ADAM19: variants seen among roughly 807,000 people sequenced by gnomAD.
The protein encoded by ADAM19 is ADAM metallopeptidase domain 19, also known as disintegrin and metalloproteinase domain-containing protein 19.
In ADAM19, 65 loss-of-function variants were observed where a neutral mutation model predicts 114.7. The observed-to-expected ratio is 0.57, with a 90% CI of 0.46 to 0.70. The LOEUF (loss-of-function observed/expected upper bound fraction) is 0.70, where lower values mean the gene tolerates loss of function less well. Ranked by LOEUF, ADAM19 falls within the 30% of genes least tolerant of loss-of-function variation. The pLI, the probability that ADAM19 is intolerant of heterozygous loss-of-function variation, is 0.00. For synonymous variants in ADAM19, 466 were observed against 460.5 expected (o/e 1.01, Z -0.15); for missense variants, 1,063 against 1,204.7 (o/e 0.88, Z 1.74).
At chr5:157,547,145 T>C (rs1221095506) in intron 3 of ADAM19, among the ~76,000 whole-genome samples, 2 of 152,232 alleles carry the variant, frequency 1.3e-5, no homozygotes, top group African/African-American at 4.8e-5. Flanking sequence ...ATCCCCATGA[T>C]GATCCTGCCA....
intron 7 of ADAM19, among the ~76,000 whole-genome samples, chr5:157,513,991 C>G (rs955557991): frequency 6.6e-6 from 1 of 152,204 alleles, no homozygotes; most frequent in Admixed American, 6.5e-5. Flanking sequence ...GTGCTTAGCA[C>G]TATGTAGGAC....
intron 1 of ADAM19, among the ~76,000 whole-genome samples, chr5:157,572,991 G>C (rs1037874228): frequency 1.3e-5 from 2 of 152,102 alleles, no homozygotes; most frequent in Non-Finnish European, 2.9e-5. Context: ...CCAAGATTGC[G>C]CCAGTGCACT....
At chr5:157,519,150 C>T (rs146438515) in intron 6 of ADAM19, among the ~76,000 whole-genome samples, 11 of 152,288 alleles carry the variant, frequency 7.2e-5, no homozygotes, top group Non-Finnish European at 1.3e-4. Context: ...CTGATGAGCA[C>T]AGGCAGGACA....
intron 15 of ADAM19, among the ~76,000 whole-genome samples, chr5:157,494,169 TGG>T (rs1755269074): frequency 1.4e-4 from 9 of 62,834 alleles, no homozygotes; most frequent in Non-Finnish European, 2.5e-4. Flanking sequence ...GACGGACAGA[TGG>T]ATGGATGGAT....
intron 5 of ADAM19, among the ~76,000 whole-genome samples, chr5:157,522,307 A>G (rs199672190): frequency 0.014 from 1,242 of 88,360 alleles, 3 homozygotes; most frequent in South Asian, 0.029. Context: ...TGTTTCATCA[A>G]CTTTTAAGTT....
rs147490600 is a variant in ADAM19 at position 157,478,577 on chromosome 5, T to C, written c.*2372A>G. 0.012 allele frequency: 12,283 copies of C among 985,674 alleles called. 170 individuals carry two copies. Among genetic ancestry groups the C allele is most frequent in the Middle Eastern group, 0.087 (167 of 1,910 alleles). 61.1% of individuals were successfully genotyped at this position (985,674 alleles called of 1,614,324 possible). A position where few individuals can be genotyped will look rare whatever the true frequency, so the allele number is the denominator to read the frequency against. ...TTGTATTTGACACCTCAAAACAGCA[T>C]ACTGGGCACTGGAAAGAAAAGGGGA... On this transcript the variant is annotated 3_prime_UTR_variant, in exon 23 of 23. Coordinates refer to ENST00000257527, the MANE Select transcript of ADAM19 (RefSeq NM_033274.5).
rs11466812 is a variant in ADAM19, at chr5:157,480,769, C to A, written c.*180G>T. ...GCCATCAGATCATAGTCCCTCTGGG[C>A]TTCCAAGGAAGCCGAGGAGGCACTG... On this transcript the variant is annotated 3_prime_UTR_variant, in exon 23 of 23. Transcript: ENST00000257527. 8.8e-4 allele frequency: 1,268 copies of A among 1,444,076 alleles called. 10 individuals carry two copies. The African/African-American group carries it at 0.017, about 19-fold the overall frequency. 89.5% of individuals were successfully genotyped at this position (1,444,076 alleles called of 1,614,324 possible).
chr5:157,533,771 C>T (rs1303009101), intron 4 of ADAM19, among the ~76,000 whole-genome samples: 3 of 152,002 alleles, frequency 2.0e-5, no homozygotes. Context: ...TCTAGACCAT[C>T]CTGGCCAACA....
chr5:157,512,020 G>A (rs1477012271), intron 8 of ADAM19, among the ~76,000 whole-genome samples: 2 of 152,226 alleles, frequency 1.3e-5, no homozygotes, highest in Non-Finnish European at 2.9e-5. Flanking sequence ...ATGTCACATG[G>A]GGGAAAGCAG....
chr5:157,544,663 A>T (rs1474260079), intron 3 of ADAM19, among the ~76,000 whole-genome samples: 1 of 152,176 alleles, frequency 6.6e-6, no homozygotes. Context: ...GAGTTCACAA[A>T]TTTGTTTTCC....
chr5:157,563,043 C>G (rs527629853), intron 3 of ADAM19, among the ~76,000 whole-genome samples: 11 of 152,198 alleles, frequency 7.2e-5, no homozygotes, highest in Non-Finnish European at 1.6e-4. Flanking sequence ...AGGCAGGCCC[C>G]CGAGAGACAC....
chr5:157,555,862 T>A (rs1757352868), intron 3 of ADAM19, among the ~76,000 whole-genome samples: 1 of 152,206 alleles, frequency 6.6e-6, no homozygotes, highest in South Asian at 2.1e-4. Flanking sequence ...CAGCTTCTCC[T>A]TGGCTCATGG....
rs770244055 is a variant in ADAM19 at position 157,477,789 on chromosome 5, T to C, written c.*3160A>G. The C allele has an allele frequency of 4.1e-5, 50 of 1,233,596 alleles. No individual in the cohort carries two copies. Among genetic ancestry groups the C allele is most frequent in the Non-Finnish European group, 4.9e-5 (46 of 938,034 alleles). The allele number at this position is 1,233,596 out of a possible 1,614,324, so 76.4% of individuals were successfully genotyped here. ...GGCAGGGAGAGACTTCCAATAAAGA[T>C]TGGAAAGGCGTATTGCAGGAGGTGG... On this transcript the variant is annotated 3_prime_UTR_variant, in exon 23 of 23. Transcript: ENST00000257527.
intron 3 of ADAM19, among the ~76,000 whole-genome samples, chr5:157,544,338 C>T (rs1236989377): frequency 6.6e-6 from 1 of 152,212 alleles, no homozygotes; most frequent in African/African-American, 2.4e-5. Flanking sequence ...AGTTTCCAAA[C>T]AATGCGTTAA....
chr5:157,483,725 C>T (rs1249647972), intron 21 of ADAM19, among the ~76,000 whole-genome samples: 4 of 151,842 alleles, frequency 2.6e-5, no homozygotes, highest in South Asian at 4.2e-4. Flanking sequence ...CCTCTGCCTC[C>T]GGAGTTCAAA....
chr5:157,489,276 C>G, intron 19 of ADAM19, 90 bp from the exon 20 acceptor site: 1 of 899,484 alleles, frequency 1.1e-6, no homozygotes, highest in Non-Finnish European at 1.8e-6. Flanking sequence ...GCACGGCCAG[C>G]AAGCAGCTAA....
At chr5:157,542,656 A>T (rs1181569775) in intron 3 of ADAM19, among the ~76,000 whole-genome samples, 2 of 152,208 alleles carry the variant, frequency 1.3e-5, no homozygotes, top group Non-Finnish European at 2.9e-5. Flanking sequence ...ACAAAAAAAA[A>T]TAGCCAGGTG....
At chr5:157,537,164 G>T (rs1185583910) in intron 4 of ADAM19, among the ~76,000 whole-genome samples, 1 of 152,196 alleles carries the variant, frequency 6.6e-6, no homozygotes, top group Non-Finnish European at 1.5e-5. Context: ...TGTCCCTCGG[G>T]GTCGGGGCAA....
chr5:157,562,466 A>G (rs1348153668), intron 3 of ADAM19, among the ~76,000 whole-genome samples: 1 of 152,206 alleles, frequency 6.6e-6, no homozygotes. Context: ...GCCACTCACC[A>G]TGCGCTGTGC....
Sources: gnomAD v4.1 joint callset for allele counts (sites outside exome capture counted in the v4.1 genomes callset) on GRCh38, gnomAD v4.1.1 for gene constraint, MANE v1.5 for transcripts, NCBI Gene and HGNC (gene_info 2026-07-23, HGNC 2026-07-21) for gene names.